PDE11A: variants seen among roughly 807,000 people sequenced by gnomAD.
PDE11A encodes the protein dual 3',5'-cyclic-AMP and -GMP phosphodiesterase 11A.
A neutral mutation model predicts 100.5 loss-of-function variants in PDE11A; 100 were observed. The observed-to-expected ratio is 1.00, with a 90% CI of 0.85 to 1.18. The LOEUF (loss-of-function observed/expected upper bound fraction) is 1.18, where lower values mean the gene tolerates loss of function less well. Ranked by LOEUF, PDE11A falls within the 50% of genes most tolerant of loss-of-function variation. PDE11A has a pLI of 0.00. For synonymous variants in PDE11A, 381 were observed against 420.8 expected, an observed-to-expected ratio of 0.91 and a Z score of 1.16; for missense variants, 1,141 against 1,152.6, an observed-to-expected ratio of 0.99 and a Z score of 0.15.
intron 2 of PDE11A, among the ~76,000 whole-genome samples, chr2:177,931,911 C>CAAAAAAAAAAA (rs71410773): frequency 1.1e-4 from 9 of 80,222 alleles, no homozygotes; most frequent in Non-Finnish European, 1.8e-4. Context: ...GCTAGATTAA[C>CAAAAAAAAAAA]AAAAAAAAAA....
rs1236652751 is a variant in PDE11A at position 177,629,102 on chromosome 2, C to T, written c.*305G>A. On this transcript the variant is annotated 3_prime_UTR_variant, in exon 20 of 20. Transcript: ENST00000286063. Reference sequence around the variant, plus strand: ...TTCCCTCAGCTCAGAGTAAGTAGGCCGACTGTCCACAGGTCCTTGGATCCA... The same window carrying T: ...TTCCCTCAGCTCAGAGTAAGTAGGCTGACTGTCCACAGGTCCTTGGATCCA... 7.0e-6 allele frequency: 3 copies of T among 429,166 alleles called. No individual in the cohort carries two copies. The highest frequency in any genetic ancestry group is 1.0e-4 in the East Asian group (2 of 20,092). 26.6% of individuals were successfully genotyped at this position (429,166 alleles called of 1,614,324 possible).
At chr2:177,718,216 G>C (rs2081472144) in intron 12 of PDE11A, among the ~76,000 whole-genome samples, 1 of 152,180 alleles carries the variant, frequency 6.6e-6, no homozygotes, top group African/African-American at 2.4e-5. Context: ...CTCTGAGACA[G>C]GTAACTGTTC....
chr2:177,648,937 T>C lies in PDE11A; in HGVS notation c.2646+14929A>G, dbSNP rs1386433034. Reference sequence around the variant, plus strand: ...TGGATCAGTAAGAAAATAGCCCTAGTTCAATAGAAAAATAGGCAAAAATAT... The same window carrying C: ...TGGATCAGTAAGAAAATAGCCCTAGCTCAATAGAAAAATAGGCAAAAATAT... On this transcript the variant is annotated intron_variant, in intron 19 of 19. Transcript: ENST00000286063. Among the ~76,000 whole-genome samples, 3 of 152,092 alleles carry C rather than the reference T, an allele frequency of 2.0e-5. No homozygotes were observed. The South Asian group carries it at 6.2e-4, about 32-fold the overall frequency.
chr2:177,814,067 G>A (rs1041706678), intron 9 of PDE11A, among the ~76,000 whole-genome samples: 3 of 152,100 alleles, frequency 2.0e-5, no homozygotes, highest in African/African-American at 7.2e-5. Flanking sequence ...AGGAATGATA[G>A]AAGGGTAACA....
chr2:177,855,964 G>A (rs1026841934), intron 5 of PDE11A, among the ~76,000 whole-genome samples: 4 of 150,736 alleles, frequency 2.7e-5, no homozygotes, highest in African/African-American at 9.8e-5. Context: ...CTGTAAGAAT[G>A]TCTGGGAAAG....
chr2:178,084,549 G>A (rs749003767), intron 2 of PDE11A, among the ~76,000 whole-genome samples: 11 of 152,300 alleles, frequency 7.2e-5, no homozygotes, highest in Non-Finnish European at 1.5e-4. Context: ...ATGCAGACAT[G>A]AGCAAGTCTG....
chr2:177,946,040 CGGGA>C (rs2085420261), intron 2 of PDE11A, among the ~76,000 whole-genome samples: 4 of 104,470 alleles, frequency 3.8e-5, no homozygotes, highest in African/African-American at 1.4e-4. Context: ...CCGCCCCGTC[CGGGA>C]GGGAGGTGGG....
rs1350236738 is a variant in PDE11A, at chr2:178,089,705, T to C, written c.162+14597A>G. 3.3e-5 allele frequency among the ~76,000 whole-genome samples: 5 copies of C among 152,326 alleles called. No homozygotes were observed. The South Asian group carries it at 8.3e-4, about 25-fold the overall frequency. ...CTCAAGTCTGGTCAAACGATCTTTG[T>C]TAATGGCTCTGCATCTGGTGATGGG... On this transcript the variant is annotated intron_variant, in intron 2 of 20. Coordinates refer to the PDE11A transcript ENST00000358450.
chr2:177,659,787 T>G (rs115317682), intron 19 of PDE11A, among the ~76,000 whole-genome samples: 7,830 of 150,250 alleles, frequency 0.052, 653 homozygotes, highest in African/African-American at 0.17. Context: ...CTTCTTTTTT[T>G]TTTTCCCCCT....
intron 1 of PDE11A, among the ~76,000 whole-genome samples, chr2:178,049,862 C>A (rs1453465565): frequency 2.0e-5 from 3 of 152,180 alleles, no homozygotes; most frequent in African/African-American, 7.2e-5. Context: ...GAAGCTCAAA[C>A]TGGGTAGAGC....
chr2:177,819,726 C>T (rs761679046), intron 7 of PDE11A, among the ~76,000 whole-genome samples: 3 of 151,930 alleles, frequency 2.0e-5, no homozygotes, highest in Non-Finnish European at 4.4e-5. Flanking sequence ...GCCTTTACAC[C>T]ATGTATAAAA....
intron 19 of PDE11A, among the ~76,000 whole-genome samples, chr2:177,632,794 G>A (rs1280464755): frequency 5.3e-5 from 8 of 152,194 alleles, no homozygotes; most frequent in Admixed American, 3.9e-4. Flanking sequence ...TTGTCATAGG[G>A]GAAGTGACTT....
intron 1 of PDE11A, among the ~76,000 whole-genome samples, chr2:178,048,674 G>T (rs2086784163): frequency 6.6e-6 from 1 of 152,098 alleles, no homozygotes; most frequent in South Asian, 2.1e-4. Context: ...CCCTTGCATG[G>T]GGAGGACTAT....
chr2:177,993,348 G>A (rs34234621), intron 2 of PDE11A, among the ~76,000 whole-genome samples: 8,467 of 151,826 alleles, frequency 0.056, 297 homozygotes, highest in South Asian at 0.093. Flanking sequence ...TTAAAATCTC[G>A]AAACCTCTTT....
chr2:177,801,930 C>T (rs1365811610), intron 9 of PDE11A, among the ~76,000 whole-genome samples: 1 of 151,954 alleles, frequency 6.6e-6, no homozygotes, highest in East Asian at 1.9e-4. Flanking sequence ...AATAAGCAAG[C>T]TGCAAATTGG....
chr2:178,021,057 G>C (rs567845966), intron 1 of PDE11A, among the ~76,000 whole-genome samples: 2 of 150,712 alleles, frequency 1.3e-5, no homozygotes, highest in Non-Finnish European at 3.0e-5. Flanking sequence ...CACCTCCCAG[G>C]GTCAAGTAAT....
intron 9 of PDE11A, among the ~76,000 whole-genome samples, chr2:177,787,920 C>T (rs1421908642): frequency 2.0e-5 from 3 of 152,162 alleles, no homozygotes; most frequent in African/African-American, 7.2e-5. Flanking sequence ...GAGACTTAGA[C>T]TTCCACACAA....
chr2:177,926,785 G>T (rs2105759645), intron 2 of PDE11A: 1 of 152,032 alleles, frequency 6.6e-6, no homozygotes, highest in Non-Finnish European at 1.5e-5. Context: ...CCACTATTCA[G>T]ATATTTTGGG....
At chr2:177,747,671 G>A (rs2081970853) in intron 10 of PDE11A, among the ~76,000 whole-genome samples, 1 of 152,182 alleles carries the variant, frequency 6.6e-6, no homozygotes, top group South Asian at 2.1e-4. Flanking sequence ...CAATGCTGAA[G>A]TTTCCATTTT....
Sources: gnomAD v4.1 joint callset for allele counts (sites outside exome capture counted in the v4.1 genomes callset) on GRCh38, gnomAD v4.1.1 for gene constraint, MANE v1.5 for transcripts, NCBI Gene and HGNC (gene_info 2026-07-23, HGNC 2026-07-21) for gene names.